AMZ1: variants seen among roughly 807,000 people sequenced by gnomAD.
AMZ1 encodes archaelysin family metallopeptidase 1.
In AMZ1, 39 loss-of-function variants were observed where a neutral mutation model predicts 29.9. That is an observed-to-expected ratio of 1.30 (90% CI 1.01 to 1.70). The LOEUF (loss-of-function observed/expected upper bound fraction) is 1.70, where lower values mean the gene tolerates loss of function less well. Among genes scored for constraint, AMZ1 ranks in the 40% most tolerant of loss-of-function variants. The pLI is 0.00. For missense variants in AMZ1, 1,041 were observed against 680.6 expected (o/e 1.53, Z -5.89); for synonymous variants, 458 against 304.0 (o/e 1.51, Z -5.27).
chr7:2,680,988 G>C (rs925574799), intron 1 of AMZ1, among the ~76,000 whole-genome samples: 1 of 152,214 alleles, frequency 6.6e-6, no homozygotes, highest in Admixed American at 6.5e-5. Flanking sequence ...ACAGGCGCCG[G>C]GCAGGGCGGC....
Position 2,711,130 on chromosome 7 carries a change from G to A in AMZ1, c.949-1200G>A, listed in dbSNP as rs914100647. Among the ~76,000 whole-genome samples, 8 of 152,180 alleles carry A rather than the reference G, an allele frequency of 5.3e-5. No homozygotes were observed. The East Asian group carries it at 7.7e-4, about 15-fold the overall frequency. ...CCTCCTCCTGCCCAGAGCTCTCTCC[G>A]TTCCGTGAGCACCATCTCCTGAGGC... On this transcript the variant is annotated intron_variant, in intron 6 of 6. Transcript: ENST00000683327.
At chr7:2,733,395 TG>T (rs1789998166) in intron 4 of AMZ1, 4 of 1,394,752 alleles carry the variant, frequency 2.9e-6, no homozygotes, top group Non-Finnish European at 3.9e-6. Flanking sequence ...CTTTGGTCTC[TG>T]GACACGTTTT....
chr7:2,757,989 A>T (rs142232713), intron 4 of AMZ1, among the ~76,000 whole-genome samples: 3 of 152,206 alleles, frequency 2.0e-5, no homozygotes, highest in African/African-American at 7.2e-5. Flanking sequence ...CTGCCTGGTT[A>T]ACACAGAACA....
intron 4 of AMZ1, among the ~76,000 whole-genome samples, chr7:2,745,824 G>T (rs1161706550): frequency 6.6e-6 from 1 of 152,166 alleles, no homozygotes; most frequent in South Asian, 2.1e-4. Context: ...GATGCAGGAA[G>T]ATCTACCAAG....
chr7:2,685,087 T>C (rs1477510525), upstream of AMZ1, among the ~76,000 whole-genome samples: 2 of 151,540 alleles, frequency 1.3e-5, no homozygotes. Context: ...GCCAGGATGG[T>C]CTTGATCTTC....
chr7:2,687,514 C>G (rs575169847), upstream of AMZ1, among the ~76,000 whole-genome samples: 5 of 152,320 alleles, frequency 3.3e-5, no homozygotes, highest in South Asian at 1.0e-3. Flanking sequence ...TGGAAAAGGC[C>G]TCTGGGCTCT....
At chr7:2,704,346 T>C (rs1181983711) in intron 3 of AMZ1, among the ~76,000 whole-genome samples, 1 of 152,094 alleles carries the variant, frequency 6.6e-6, no homozygotes, top group Admixed American at 6.6e-5. Flanking sequence ...GTGCAAAAAA[T>C]ATAAAAATAG....
chr7:2,684,116 T>C (rs1786984801), upstream of AMZ1, among the ~76,000 whole-genome samples: 2 of 151,908 alleles, frequency 1.3e-5, no homozygotes, highest in African/African-American at 4.8e-5. Context: ...AGGCAGAGGT[T>C]GCAGTGAGCC....
At chr7:2,756,785 C>T (rs1763873244) in intron 4 of AMZ1, among the ~76,000 whole-genome samples, 1 of 152,120 alleles carries the variant, frequency 6.6e-6, no homozygotes, top group South Asian at 2.1e-4. Flanking sequence ...GATTTGGTTA[C>T]TTTAAGTTAG....
In AMZ1 at chr7:2,700,278, C is replaced by G. The variant is rs1324235947; in HGVS notation, c.-174C>G. 2 of 721,734 alleles carry G rather than the reference C, an allele frequency of 2.8e-6. No individual in the cohort carries two copies. Among genetic ancestry groups the G allele is most frequent in the South Asian group, 3.8e-5 (2 of 52,556 alleles). The allele number at this position is 721,734 out of a possible 1,614,324, so 44.7% of individuals were successfully genotyped here. On this transcript the variant is annotated 5_prime_UTR_variant, in exon 2 of 7. Transcript: ENST00000683327. ...CGCCCATGCCTGAGAGCGTCCAGGA[C>G]CAGGCAGAGCTGGGCCTTAAGGGCC... is the stretch of plus-strand genomic sequence containing the variant.
At chr7:2,754,833 A>C (rs1207998266) in intron 4 of AMZ1, among the ~76,000 whole-genome samples, 1 of 152,228 alleles carries the variant, frequency 6.6e-6, no homozygotes, top group Non-Finnish European at 1.5e-5. Context: ...TCAACGGATC[A>C]CTAGGGCGTC....
At chr7:2,725,264 G>A (rs1562385245) in intron 4 of AMZ1, among the ~76,000 whole-genome samples, 1 of 152,208 alleles carries the variant, frequency 6.6e-6, no homozygotes, top group Non-Finnish European at 1.5e-5. Flanking sequence ...CCATGGCCAT[G>A]GCCTGCGGTA....
At chr7:2,750,296 C>G (rs1348068147) in intron 4 of AMZ1, among the ~76,000 whole-genome samples, 2 of 152,194 alleles carry the variant, frequency 1.3e-5, no homozygotes, top group African/African-American at 4.8e-5. Flanking sequence ...ACTGCAGAGG[C>G]AGACAGGCAA....
chr7:2,748,875 A>G (rs1382876418), intron 4 of AMZ1, among the ~76,000 whole-genome samples: 6 of 152,162 alleles, frequency 3.9e-5, no homozygotes, highest in East Asian at 1.9e-4. Flanking sequence ...CTTCTCAAAA[A>G]AAGACATTTA....
chr7:2,687,535 G>C (rs531349652), upstream of AMZ1, among the ~76,000 whole-genome samples: 1 of 152,240 alleles, frequency 6.6e-6, no homozygotes, highest in Non-Finnish European at 1.5e-5. Context: ...GTCTGGAGCC[G>C]TCATGCCGGC....
intron 1 of AMZ1, among the ~76,000 whole-genome samples, chr7:2,679,950 C>G (rs1175721215): frequency 6.6e-6 from 1 of 152,136 alleles, no homozygotes; most frequent in Non-Finnish European, 1.5e-5. Flanking sequence ...GCAGAGGGAC[C>G]CCGGAGGTAG....
Position 2,709,823 on chromosome 7 carries a change from G to A in AMZ1, c.948+7G>A. The A allele has an allele frequency of 6.2e-7, 1 of 1,611,368 alleles. No homozygotes were observed. On this transcript the variant is annotated splice_region_variant and intron_variant, in intron 6 of 6. Coordinates refer to ENST00000683327, the MANE Select transcript of AMZ1 (RefSeq NM_001384743.1). ...GCTCATCGAGAGGTACCAGGTGAGTGGCTGAGTTGCGCTGCCCGGCTGCTG... is the reference window on the plus strand; with the variant it reads ...GCTCATCGAGAGGTACCAGGTGAGTAGCTGAGTTGCGCTGCCCGGCTGCTG...
At position 2,712,830 on chromosome 7, in the gene AMZ1, C is replaced by A; in HGVS notation, c.1449C>A (p.Leu483=). 1 of 1,535,018 alleles carries A rather than the reference C, an allele frequency of 6.5e-7. No individual in the cohort carries two copies. The highest frequency in any genetic ancestry group is 8.8e-7 in the Non-Finnish European group (1 of 1,139,614). Residue 483 remains leucine (L), a synonymous_variant, in exon 7 of 7, where the codon CTC becomes CTA. Coordinates refer to ENST00000683327, the MANE Select transcript of AMZ1 (RefSeq NM_001384743.1). ...SLRRKLSARK[L]ARAESAPRPW... Reference sequence around the variant, plus strand: ...GGAGGAAGCTGAGTGCCCGAAAACTCGCCAGAGCAGAGTCGGCCCCCCGTC... The same window carrying A: ...GGAGGAAGCTGAGTGCCCGAAAACTAGCCAGAGCAGAGTCGGCCCCCCGTC...
chr7:2,721,744 G>A (rs899174254), downstream of AMZ1, among the ~76,000 whole-genome samples: 19 of 151,408 alleles, frequency 1.3e-4, no homozygotes, highest in Admixed American at 1.1e-3. Context: ...AGCGGCGGGT[G>A]GGTGCCACAC....
Sources: allele counts gnomAD v4.1 joint callset (sites outside exome capture counted in the v4.1 genomes callset), GRCh38; gene constraint gnomAD v4.1.1; transcripts MANE v1.5; gene names NCBI Gene and HGNC (gene_info 2026-07-23, HGNC 2026-07-21).